CACNA2D3: variants seen among roughly 807,000 people sequenced by gnomAD.
The protein encoded by CACNA2D3 is voltage-dependent calcium channel subunit alpha-2/delta-3.
Under a neutral mutation model 160.6 loss-of-function variants are expected in CACNA2D3, and 60 were observed. That is an observed-to-expected ratio of 0.37 (90% CI 0.30 to 0.46). The LOEUF (loss-of-function observed/expected upper bound fraction) is 0.46, where lower values mean the gene tolerates loss of function less well. Ranked by LOEUF, CACNA2D3 falls within the 20% of genes least tolerant of loss-of-function variation. The pLI is 1.00. For synonymous variants in CACNA2D3, 558 were observed against 492.9 expected (o/e 1.13, Z -1.75); for missense variants, 1,205 against 1,365.0 (o/e 0.88, Z 1.85).
chr3:54,636,333 G>A (rs1699370381), intron 10 of CACNA2D3, among the ~76,000 whole-genome samples: 1 of 151,964 alleles, frequency 6.6e-6, no homozygotes, highest in African/African-American at 2.4e-5. Context: ...CAGTCGTGGG[G>A]GTCAGGTGTG....
At chr3:54,275,492 T>G (rs1253061060) in intron 2 of CACNA2D3, among the ~76,000 whole-genome samples, 1 of 152,200 alleles carries the variant, frequency 6.6e-6, no homozygotes, top group Non-Finnish European at 1.5e-5. Context: ...TGTGATATAA[T>G]AATATATGTG....
At chr3:54,577,960 G>A (rs568242515) in intron 8 of CACNA2D3, among the ~76,000 whole-genome samples, 1 of 152,326 alleles carries the variant, frequency 6.6e-6, no homozygotes, top group African/African-American at 2.4e-5. Flanking sequence ...CTATGTGGCA[G>A]CTTCTAAGCT....
chr3:54,518,358 G>A (rs1701588783), intron 5 of CACNA2D3, among the ~76,000 whole-genome samples: 1 of 152,202 alleles, frequency 6.6e-6, no homozygotes, highest in South Asian at 2.1e-4. Flanking sequence ...GGTAGGGGAA[G>A]TGAGGGGTGA....
intron 2 of CACNA2D3, among the ~76,000 whole-genome samples, chr3:54,176,586 G>A (rs1264406831): frequency 2.0e-5 from 3 of 152,184 alleles, no homozygotes; most frequent in Admixed American, 6.5e-5. Context: ...CTTAAAATCT[G>A]TTTCCCACGT....
intron 5 of CACNA2D3, among the ~76,000 whole-genome samples, chr3:54,507,108 T>C (rs534088155): frequency 5.9e-4 from 90 of 152,344 alleles, no homozygotes; most frequent in African/African-American, 2.2e-3. Flanking sequence ...TGTGAATGTG[T>C]GTGAAAGAAA....
chr3:54,401,057 C>T (rs1297110132), intron 4 of CACNA2D3, among the ~76,000 whole-genome samples: 1 of 151,558 alleles, frequency 6.6e-6, no homozygotes, highest in African/African-American at 2.4e-5. Flanking sequence ...TTAAAAAGAA[C>T]CAAATAAAAA....
At chr3:54,135,102 C>G (rs1699791665) in intron 2 of CACNA2D3, among the ~76,000 whole-genome samples, 1 of 152,200 alleles carries the variant, frequency 6.6e-6, no homozygotes, top group Non-Finnish European at 1.5e-5. Context: ...TTCGCCTTCA[C>G]ATGGGGTTGA....
chr3:54,870,000 C>T (rs55797202), intron 17 of CACNA2D3, among the ~76,000 whole-genome samples: 21,926 of 152,130 alleles, frequency 0.14, 3,243 homozygotes, highest in African/African-American at 0.38. Context: ...GGGGTGGGCT[C>T]ACCGTTGATC....
intron 2 of CACNA2D3, among the ~76,000 whole-genome samples, chr3:54,201,014 C>T (rs1200566076): frequency 6.6e-6 from 1 of 152,202 alleles, no homozygotes; most frequent in Non-Finnish European, 1.5e-5. Flanking sequence ...CACTGAGCCA[C>T]ACATAATGCT....
chr3:54,856,601 C>T (rs1157380717), intron 17 of CACNA2D3, among the ~76,000 whole-genome samples: 1 of 152,118 alleles, frequency 6.6e-6, no homozygotes, highest in African/African-American at 2.4e-5. Flanking sequence ...TGTTTTCATT[C>T]TCATAGAGAA....
At chr3:54,663,171 C>T (rs1242610227) in intron 11 of CACNA2D3, among the ~76,000 whole-genome samples, 1 of 152,220 alleles carries the variant, frequency 6.6e-6, no homozygotes, top group Non-Finnish European at 1.5e-5. Flanking sequence ...CTGGAAGGAA[C>T]CCTCTCTGTC....
intron 9 of CACNA2D3, among the ~76,000 whole-genome samples, chr3:54,606,330 A>G (rs1366145039): frequency 6.6e-6 from 1 of 152,118 alleles, no homozygotes; most frequent in African/African-American, 2.4e-5. Flanking sequence ...CACAAGGAAT[A>G]GGCTGGATGC....
At chr3:54,276,404 A>G (rs1229928100) in intron 2 of CACNA2D3, among the ~76,000 whole-genome samples, 1 of 152,082 alleles carries the variant, frequency 6.6e-6, no homozygotes, top group East Asian at 1.9e-4. Context: ...CCCTGTCTCT[A>G]CTAAAAAAAA....
chr3:54,497,599 T>G (rs973004324), intron 4 of CACNA2D3, among the ~76,000 whole-genome samples: 1 of 152,026 alleles, frequency 6.6e-6, no homozygotes, highest in Non-Finnish European at 1.5e-5. Context: ...CTTTTGTTTA[T>G]TTATTTGTCT....
intron 9 of CACNA2D3, among the ~76,000 whole-genome samples, chr3:54,607,348 C>G (rs568442054): frequency 1.2e-4 from 18 of 152,202 alleles, no homozygotes; most frequent in African/African-American, 3.6e-4. Flanking sequence ...GAGGCAGAGT[C>G]TCACTCTCTG....
At position 54,503,654 on chromosome 3, in the gene CACNA2D3, G is replaced by A; in HGVS notation, c.544G>A (p.Asp182Asn). The A allele has an allele frequency of 6.2e-7, 1 of 1,613,330 alleles. No individual in the cohort carries two copies. The highest frequency in any genetic ancestry group is 8.5e-7 in the Non-Finnish European group (1 of 1,179,412). Residue 182 changes from aspartate (D) to asparagine (N), a missense_variant and splice_region_variant, in exon 5 of 38, where the codon GAC becomes AAC. Asp to Asn is a conservative substitution (Grantham distance 23, BLOSUM62 1). Coordinates refer to ENST00000474759, the MANE Select transcript of CACNA2D3 (RefSeq NM_018398.3). ...AGTACCAACGAACATGTACAACAAA[G>A]GTAAGACTCCCAGCCACTGCTCCTT... ...VQVPTNMYNK[D>N]PAIVNGVYWS...
At chr3:54,441,040 T>G (rs1392495777) in intron 4 of CACNA2D3, among the ~76,000 whole-genome samples, 2 of 152,060 alleles carry the variant, frequency 1.3e-5, no homozygotes, top group African/African-American at 2.4e-5. Flanking sequence ...TTTCTAGTTC[T>G]AGATCCCTGA....
intron 27 of CACNA2D3, among the ~76,000 whole-genome samples, chr3:54,921,947 C>G (rs1327639978): frequency 6.7e-6 from 1 of 148,804 alleles, no homozygotes; most frequent in Non-Finnish European, 1.5e-5. Context: ...CATATCTGTT[C>G]CCTTATTTTG....
At chr3:54,183,487 G>A (rs534769248) in intron 2 of CACNA2D3, among the ~76,000 whole-genome samples, 16 of 151,904 alleles carry the variant, frequency 1.1e-4, no homozygotes, top group Middle Eastern at 6.8e-3. Context: ...TTGCCAACGC[G>A]CCTTTTTCCT....
Sources: allele counts gnomAD v4.1 joint callset (sites outside exome capture counted in the v4.1 genomes callset), GRCh38; gene constraint gnomAD v4.1.1; transcripts MANE v1.5; gene names NCBI Gene and HGNC (gene_info 2026-07-23, HGNC 2026-07-21).